The following MYCBPAP variants were observed in gnomAD, a reference collection of about 807,000 sequenced individuals.
MYCBPAP encodes the protein MYCBP-associated protein.
In MYCBPAP, 60 loss-of-function variants were observed where a neutral mutation model predicts 106.1. The ratio of observed to expected loss-of-function variants is 0.57; its 90% CI spans 0.46 to 0.70. The LOEUF (loss-of-function observed/expected upper bound fraction) is 0.70, where lower values mean the gene tolerates loss of function less well. MYCBPAP is among the 30% of genes least tolerant of loss of function. MYCBPAP has a pLI of 0.00. For synonymous variants in MYCBPAP, 407 were observed against 440.6 expected (o/e 0.92, Z 0.95); for missense variants, 1,064 against 1,169.3 (o/e 0.91, Z 1.31).
chr17:50,519,122 G>C (rs773893320), intron 6 of MYCBPAP, 33 bp downstream of exon 6: 1 of 1,499,862 alleles, frequency 6.7e-7, no homozygotes, highest in African/African-American at 1.6e-5. Context: ...CCCGGGGGCA[G>C]GGGGGTCCAT....
At chr17:50,518,466 G>A (rs1459845721) in intron 4 of MYCBPAP, 75 bp from the exon 5 acceptor site, 5 of 1,346,636 alleles carry the variant, frequency 3.7e-6, no homozygotes, top group Non-Finnish European at 5.0e-6. Context: ...ACGGGTTTAG[G>A]CCTCGGGAAA....
intron 18 of MYCBPAP, among the ~76,000 whole-genome samples, 178 bp from the exon 19 acceptor site, chr17:50,531,149 C>CAAAAAAAAAAAAAA (rs11399946): frequency 7.0e-6 from 1 of 143,666 alleles, no homozygotes. Flanking sequence ...GAGATCCTGT[C>CAAAAAAAAAAAAAA]AAAAAAAAAA....
Position 50,525,923 on chromosome 17 carries a change from T to C in MYCBPAP, c.1825T>C (p.Trp609Arg). 6.2e-7 allele frequency: 1 copy of C among 1,612,988 alleles called. No individual in the cohort carries two copies. The highest frequency in any genetic ancestry group is 8.5e-7 in the Non-Finnish European group (1 of 1,179,870). The change falls in exon 14 of 19, where the codon TGG (tryptophan) becomes CGG (arginine). Residue 609 changes from tryptophan to arginine, a missense_variant. Physicochemically the swap from Trp to Arg is moderately radical, Grantham distance 101. Coordinates refer to ENST00000323776, the MANE Select transcript of MYCBPAP (RefSeq NM_032133.6). ...AGTGGTGCAAAGCCTGCACCAACTG[T>C]GGCGCCAGTACATGACCCTGCCCGC... ...HQVVQSLHQL[W>R]RQYMTLPAKA...
chr17:50,521,075 C>T, intron 7 of MYCBPAP, 35 bp from the exon 8 acceptor site: 2 of 1,554,956 alleles, frequency 1.3e-6, no homozygotes, highest in Non-Finnish European at 1.8e-6. Context: ...GACATGGCAG[C>T]AGCCTGTGCT....
chr17:50,520,000 G>C, intron 7 of MYCBPAP: 3 of 551,332 alleles, frequency 5.4e-6, no homozygotes, highest in Non-Finnish European at 9.5e-6. Flanking sequence ...GGAAACTGGA[G>C]TGCAGCCATA....
intron 7 of MYCBPAP, chr17:50,520,157 T>A (rs918476311): frequency 5.9e-6 from 1 of 170,170 alleles, no homozygotes; most frequent in Admixed American, 5.8e-5. Context: ...ATTTTTATAT[T>A]GATTACATGT....
intron 10 of MYCBPAP, chr17:50,522,300 C>G (rs1365734306): frequency 4.6e-6 from 2 of 432,510 alleles, no homozygotes; most frequent in Non-Finnish European, 8.6e-6. Flanking sequence ...ATACCCAGCC[C>G]CCAAGCATGT....
intron 10 of MYCBPAP, chr17:50,522,421 G>A (rs768688630): frequency 3.1e-4 from 61 of 194,090 alleles, no homozygotes; most frequent in South Asian, 2.4e-3. Context: ...CTGGCCAGGC[G>A]CAGAGGCTCA....
chr17:50,517,942 G>A (rs1490580866), intron 4 of MYCBPAP, among the ~76,000 whole-genome samples: 2 of 152,232 alleles, frequency 1.3e-5, no homozygotes, highest in Non-Finnish European at 1.5e-5. Flanking sequence ...AAAGGCGGGA[G>A]TACCTGGGTC....
At chr17:50,528,009 A>C in intron 15 of MYCBPAP, 146 bp from the exon 16 acceptor site, 3 of 676,354 alleles carry the variant, frequency 4.4e-6, no homozygotes, top group Non-Finnish European at 7.8e-6. Context: ...CTGGCGGGGA[A>C]CAGTGAGGAT....
intron 13 of MYCBPAP, 54 bp from the exon 14 acceptor site, chr17:50,525,827 C>T (rs2034438536): frequency 1.3e-6 from 2 of 1,520,300 alleles, no homozygotes; most frequent in Admixed American, 4.3e-5. Context: ...ATTGAAGAAA[C>T]TGGGGCCTGC....
At position 50,518,579 on chromosome 17, in the gene MYCBPAP, C is replaced by G. The variant is rs745807542; in HGVS notation, c.507C>G (p.Thr169=). ...TACCTACCTCACCCTGTCTGATGACCCTCATCTCTGCTGAAGGAGAGTCAA... is the reference window on the plus strand; with the variant it reads ...TACCTACCTCACCCTGTCTGATGACGCTCATCTCTGCTGAAGGAGAGTCAA... ...ERIPTSPCLM[T]LISAEGESKQ... Residue 169 remains threonine, a synonymous_variant, in exon 5 of 19, where the codon ACC becomes ACG. Transcript: ENST00000323776. 1 of 1,603,990 alleles carries G rather than the reference C, an allele frequency of 6.2e-7. No homozygotes were observed. Among genetic ancestry groups the G allele is most frequent in the Non-Finnish European group, 8.5e-7 (1 of 1,176,236 alleles).
intron 5 of MYCBPAP, 36 bp downstream of exon 5, chr17:50,518,760 A>C: frequency 6.4e-7 from 1 of 1,552,676 alleles, no homozygotes; most frequent in Non-Finnish European, 8.7e-7. Flanking sequence ...CCCGGCCTCC[A>C]TCTGGCAGCA....
Position 50,526,057 on chromosome 17 carries a change from C to T in MYCBPAP, c.1959C>T (p.Ser653=), listed in dbSNP as rs184672496. The T allele has an allele frequency of 1.4e-5, 23 of 1,613,902 alleles. No homozygotes were observed. The highest frequency in any genetic ancestry group is 4.5e-5 in the East Asian group (2 of 44,874). The change falls in exon 14 of 19, where the codon TCC becomes TCT. Residue 653 remains serine, a synonymous_variant. Coordinates refer to ENST00000323776, the MANE Select transcript of MYCBPAP (RefSeq NM_032133.6). ...ELLPRFRSPI[S]ETQVPRPENE... ...TACCACGCTTTAGGAGCCCCATCTCCGAAACTCAAGTGCCCCGGCCTGAGA... is the reference window on the plus strand; with the variant it reads ...TACCACGCTTTAGGAGCCCCATCTCTGAAACTCAAGTGCCCCGGCCTGAGA...
chr17:50,523,546 G>C (rs369518061), intron 11 of MYCBPAP, 51 bp from the exon 12 acceptor site: 5 of 1,584,916 alleles, frequency 3.2e-6, no homozygotes, highest in Non-Finnish European at 3.5e-6. Context: ...GTAGGCCTGG[G>C]GCTCAGCCAG....
chr17:50,508,756 C>T lies in MYCBPAP; in HGVS notation c.76+6C>T. On this transcript the variant is annotated splice_donor_region_variant and intron_variant, in intron 1 of 18. Coordinates refer to ENST00000323776, the MANE Select transcript of MYCBPAP (RefSeq NM_032133.6). Reference sequence around the variant, plus strand: ...GGCCTCAGAGAATGTCAAAGGTTGGCGCTGGCTGCCTTGGGCGCTCGGGAG... The same window carrying T: ...GGCCTCAGAGAATGTCAAAGGTTGGTGCTGGCTGCCTTGGGCGCTCGGGAG... 6.2e-7 allele frequency: 1 copy of T among 1,606,486 alleles called. No individual in the cohort carries two copies. The highest frequency in any genetic ancestry group is 2.2e-5 in the East Asian group (1 of 44,674).
Position 50,522,094 on chromosome 17 carries a change from C to G in MYCBPAP, c.1257+13C>G. On this transcript the variant is annotated intron_variant, in intron 10 of 18. Transcript: ENST00000323776. ...TCCACAGGACAAGGTAAAACAGCCT[C>G]CACCACACCTGCTGGGAGAGCCTCC... The G allele has an allele frequency of 6.2e-7, 1 of 1,606,036 alleles. No individual in the cohort carries two copies. The highest frequency in any genetic ancestry group is 8.5e-7 in the Non-Finnish European group (1 of 1,173,350).
At position 50,515,209 on chromosome 17, in the gene MYCBPAP, T is replaced by C. The variant is rs373477802; in HGVS notation, c.77-1361T>C. On this transcript the variant is annotated intron_variant, in intron 1 of 18. Coordinates refer to ENST00000323776, the MANE Select transcript of MYCBPAP (RefSeq NM_032133.6). ...CCTTCCTTAGGAAGCCCTCCCTGAC[T>C]CCCCCACCTCCCACGCCCGCCGACT... Among the ~76,000 whole-genome samples the C allele has an allele frequency of 6.5e-3, 614 of 94,296 alleles. 3 individuals are homozygous for C. Among genetic ancestry groups the C allele is most frequent in the African/African-American group, 0.029 (524 of 18,132 alleles). The allele number at this position is 94,296 out of a possible 152,430, so 61.9% of individuals were successfully genotyped here.
chr17:50,516,933 C>A (rs2034074628), intron 2 of MYCBPAP, among the ~76,000 whole-genome samples: 2 of 152,186 alleles, frequency 1.3e-5, no homozygotes, highest in African/African-American at 4.8e-5. Context: ...AGGTATCTTG[C>A]TTCCCATAGA....
Sources: allele counts gnomAD v4.1 joint callset (sites outside exome capture counted in the v4.1 genomes callset), GRCh38; gene constraint gnomAD v4.1.1; transcripts MANE v1.5; gene names NCBI Gene and HGNC (gene_info 2026-07-23, HGNC 2026-07-21).